TTC28: variants seen among roughly 807,000 people sequenced by gnomAD.
TTC28 encodes the protein tetratricopeptide repeat domain 28, also known as tetratricopeptide repeat protein 28.
In TTC28, 61 loss-of-function variants were observed where a neutral mutation model predicts 198.0. The observed-to-expected ratio is 0.31, with a 90% CI of 0.25 to 0.38. The LOEUF (loss-of-function observed/expected upper bound fraction) is 0.38. Among genes scored for constraint, TTC28 ranks in the 10% least tolerant of loss-of-function variants. The pLI, the probability that TTC28 is intolerant of heterozygous loss-of-function variation, is 1.00. For synonymous variants in TTC28, 1,171 were observed against 1,297.8 expected, an observed-to-expected ratio of 0.90 and a Z score of 2.10; for missense variants, 2,678 against 3,164.0, an observed-to-expected ratio of 0.85 and a Z score of 3.69.
chr22:28,423,174 G>C (rs182415211), intron 2 of TTC28, among the ~76,000 whole-genome samples: 1 of 152,044 alleles, frequency 6.6e-6, no homozygotes, highest in South Asian at 2.1e-4. Context: ...GGCAGATCAC[G>C]AAGTCAGGAG....
intron 2 of TTC28, among the ~76,000 whole-genome samples, chr22:28,388,325 C>T (rs142730181): frequency 0.068 from 10,325 of 152,158 alleles, 513 homozygotes; most frequent in Admixed American, 0.14. Context: ...CTTGGCAATG[C>T]GGGCTCTTTT....
chr22:28,186,371 G>C (rs1305280379), intron 5 of TTC28, among the ~76,000 whole-genome samples: 3 of 152,146 alleles, frequency 2.0e-5, no homozygotes, highest in Non-Finnish European at 4.4e-5. Context: ...TCCTAGCCTA[G>C]GTCTGGTTAA....
At chr22:28,167,062 G>C (rs990846482) in intron 5 of TTC28, among the ~76,000 whole-genome samples, 3 of 152,136 alleles carry the variant, frequency 2.0e-5, no homozygotes, top group Admixed American at 1.3e-4. Flanking sequence ...AAAAAAACTA[G>C]AAAATCTAGA....
intron 2 of TTC28, among the ~76,000 whole-genome samples, chr22:28,582,563 A>G (rs898961354): frequency 1.3e-5 from 2 of 152,186 alleles, no homozygotes; most frequent in Non-Finnish European, 2.9e-5. Flanking sequence ...ATGAAATGAT[A>G]TATGCTAAAT....
At chr22:28,596,300 C>T (rs997308766) in intron 2 of TTC28, among the ~76,000 whole-genome samples, 8 of 151,954 alleles carry the variant, frequency 5.3e-5, no homozygotes, top group Non-Finnish European at 2.9e-5. Context: ...GTGTAGTGGG[C>T]AAAGCAGTGA....
intron 12 of TTC28, among the ~76,000 whole-genome samples, chr22:28,060,178 A>G (rs1208881875): frequency 6.6e-6 from 1 of 152,124 alleles, no homozygotes; most frequent in African/African-American, 2.4e-5. Context: ...TACATGTGCC[A>G]TGTTGGTGTG....
At chr22:28,141,103 A>T (rs1456364733) in intron 6 of TTC28, among the ~76,000 whole-genome samples, 1 of 152,124 alleles carries the variant, frequency 6.6e-6, no homozygotes, top group African/African-American at 2.4e-5. Context: ...CAGAATTAGA[A>T]CCCAAATTTG....
intron 2 of TTC28, among the ~76,000 whole-genome samples, chr22:28,329,053 C>T (rs1372533753): frequency 1.3e-5 from 2 of 151,978 alleles, no homozygotes; most frequent in African/African-American, 4.8e-5. Context: ...GGCAAGAATT[C>T]AATCTCAGGG....
At chr22:28,192,874 ATT>A in intron 5 of TTC28, among the ~76,000 whole-genome samples, 1 of 152,216 alleles carries the variant, frequency 6.6e-6, no homozygotes, top group East Asian at 1.9e-4. Context: ...TCTGCAGGAT[ATT>A]TTCCAGGAGA....
rs117975794 is a variant in TTC28, at chr22:28,021,023, G to A, written c.4074-6631C>T. On this transcript the variant is annotated intron_variant, in intron 13 of 22. Coordinates refer to ENST00000397906, the MANE Select transcript of TTC28 (RefSeq NM_001145418.2). ...CTTCCAAGGCAGCATTTCTGCAGCAGTCTGGCATTGAGGAATCAGGTCTCC... is the reference window on the plus strand; with the variant it reads ...CTTCCAAGGCAGCATTTCTGCAGCAATCTGGCATTGAGGAATCAGGTCTCC... Among the ~76,000 whole-genome samples, 119 of 152,316 alleles carry A rather than the reference G, an allele frequency of 7.8e-4. 2 individuals carry two copies. In the East Asian group the frequency reaches 0.022, roughly 28 times the overall value.
chr22:28,593,799 G>T (rs1234290928), intron 2 of TTC28, among the ~76,000 whole-genome samples: 1 of 151,994 alleles, frequency 6.6e-6, no homozygotes, highest in Admixed American at 6.6e-5. Flanking sequence ...TCCTTTAAGG[G>T]CCACACAGAC....
At chr22:28,444,760 C>T (rs368839502) in intron 2 of TTC28, among the ~76,000 whole-genome samples, 1 of 152,182 alleles carries the variant, frequency 6.6e-6, no homozygotes, top group African/African-American at 2.4e-5. Flanking sequence ...TAGCTACATG[C>T]GAACTTCTCG....
chr22:28,582,065 C>A (rs1362711217), intron 2 of TTC28, among the ~76,000 whole-genome samples: 1 of 151,498 alleles, frequency 6.6e-6, no homozygotes, highest in Non-Finnish European at 1.5e-5. Context: ...AAAATTCATA[C>A]CTATAATTAT....
intron 2 of TTC28, among the ~76,000 whole-genome samples, chr22:28,594,178 T>C (rs972467060): frequency 9.9e-5 from 15 of 151,746 alleles, no homozygotes; most frequent in African/African-American, 3.6e-4. Flanking sequence ...GCATTATTTT[T>C]AAACTAAATA....
At chr22:28,263,756 TTGA>T (rs1434214759) in intron 5 of TTC28, among the ~76,000 whole-genome samples, 1 of 152,128 alleles carries the variant, frequency 6.6e-6, no homozygotes, top group African/African-American at 2.4e-5. Flanking sequence ...GAGGATAAGC[TTGA>T]TCTAAGTTTT....
chr22:28,064,287 G>A (rs1304119303), intron 12 of TTC28, among the ~76,000 whole-genome samples: 2 of 152,114 alleles, frequency 1.3e-5, no homozygotes, highest in Non-Finnish European at 2.9e-5. Flanking sequence ...TTGGGAGTCT[G>A]GTGGTATCAC....
At chr22:28,514,565 C>A (rs978710906) in intron 2 of TTC28, among the ~76,000 whole-genome samples, 1 of 152,246 alleles carries the variant, frequency 6.6e-6, no homozygotes. Flanking sequence ...GAAAACCTTA[C>A]ACGGAGTGTT....
At chr22:28,537,185 C>A (rs1028393161) in intron 2 of TTC28, among the ~76,000 whole-genome samples, 2 of 151,190 alleles carry the variant, frequency 1.3e-5, no homozygotes, top group Non-Finnish European at 3.0e-5. Context: ...CCCAGCTACT[C>A]GGGAGGCCGA....
rs367969456 is a variant in TTC28 at position 28,311,139 on chromosome 22, A to G, written c.382-4496T>C. Among the ~76,000 whole-genome samples, 31 of 152,242 alleles carry G rather than the reference A, an allele frequency of 2.0e-4. No individual in the cohort carries two copies. The East Asian group carries it at 5.8e-3, about 28-fold the overall frequency. ...AATTTGAACTTTTAAAATCTCCTGA[A>G]GAATAATTATTTCTAATTATAACAT... On this transcript the variant is annotated intron_variant, in intron 2 of 22. Transcript: ENST00000397906.
Sources: allele counts gnomAD v4.1 joint callset (sites outside exome capture counted in the v4.1 genomes callset), GRCh38; gene constraint gnomAD v4.1.1; transcripts MANE v1.5; gene names NCBI Gene and HGNC (gene_info 2026-07-23, HGNC 2026-07-21).